Variants in GRID2 observed in about 807,000 individuals in gnomAD.
GRID2 encodes the protein glutamate receptor ionotropic, delta-2.
GRID2 carries 33 observed loss-of-function variants against 114.8 expected under a neutral mutation model. The ratio of observed to expected loss-of-function variants is 0.29; its 90% confidence interval spans 0.22 to 0.38. The LOEUF (loss-of-function observed/expected upper bound fraction) is 0.38. Among genes scored for constraint, GRID2 ranks in the 10% least tolerant of loss-of-function variants. The pLI is 1.00. For synonymous variants in GRID2, 505 were observed against 449.9 expected, an observed-to-expected ratio of 1.12 and a Z score of -1.55; for missense variants, 1,184 against 1,257.7, an observed-to-expected ratio of 0.94 and a Z score of 0.89.
intron 8 of GRID2, among the ~76,000 whole-genome samples, chr4:93,298,384 C>T (rs1025951619): frequency 2.0e-5 from 3 of 152,204 alleles, no homozygotes; most frequent in Non-Finnish European, 4.4e-5. Context: ...AGACCGCCAA[C>T]TCCTGGCTGT....
intron 9 of GRID2, among the ~76,000 whole-genome samples, chr4:93,413,811 G>A (rs1478776588): frequency 6.6e-6 from 1 of 152,092 alleles, no homozygotes. Flanking sequence ...AAAAAAGAAA[G>A]TATACATTTT....
At chr4:93,430,321 C>T (rs1192632538) in intron 10 of GRID2, among the ~76,000 whole-genome samples, 2 of 152,150 alleles carry the variant, frequency 1.3e-5, no homozygotes, top group African/African-American at 4.8e-5. Context: ...GCTGTGATTA[C>T]ACGCACCCAC....
intron 2 of GRID2, among the ~76,000 whole-genome samples, chr4:92,645,534 A>C (rs895134128): frequency 6.6e-6 from 1 of 151,770 alleles, no homozygotes; most frequent in African/African-American, 2.4e-5. Context: ...TAAACATTAA[A>C]TATACAGTCC....
chr4:93,767,226 G>C (rs913002296), intron 14 of GRID2, among the ~76,000 whole-genome samples: 5 of 152,084 alleles, frequency 3.3e-5, no homozygotes, highest in African/African-American at 1.2e-4. Context: ...TCTTTAATAG[G>C]CTGACATCTT....
intron 1 of GRID2, among the ~76,000 whole-genome samples, chr4:92,495,492 A>C (rs1255416469): frequency 6.6e-6 from 1 of 151,916 alleles, no homozygotes; most frequent in Non-Finnish European, 1.5e-5. Context: ...CCATAGAGAC[A>C]ATTAGCAGGA....
At chr4:93,054,043 A>G (rs1277653291) in intron 2 of GRID2, among the ~76,000 whole-genome samples, 2 of 151,980 alleles carry the variant, frequency 1.3e-5, no homozygotes, top group African/African-American at 4.8e-5. Context: ...CCCCCAAGGC[A>G]GTGTTAGCCA....
intron 8 of GRID2, among the ~76,000 whole-genome samples, chr4:93,387,111 T>A (rs553534714): frequency 1.3e-5 from 2 of 152,296 alleles, no homozygotes; most frequent in East Asian, 3.9e-4. Flanking sequence ...TGGAGCTGGA[T>A]TCCTTGAGAG....
intron 2 of GRID2, among the ~76,000 whole-genome samples, chr4:92,735,278 T>C (rs1229456741): frequency 6.6e-6 from 1 of 152,148 alleles, no homozygotes; most frequent in Non-Finnish European, 1.5e-5. Context: ...TGCTACCGAA[T>C]CCTACATACA....
In GRID2 at chr4:93,567,341, A is replaced by T. The variant is rs868492291; in HGVS notation, c.2193+51930A>T. Among the ~76,000 whole-genome samples the T allele has an allele frequency of 9.8e-5, 15 of 152,342 alleles. 1 individual carries two copies. The Middle Eastern group carries it at 0.014, about 138-fold the overall frequency. On this transcript the variant is annotated intron_variant, in intron 13 of 15. Coordinates refer to ENST00000282020, the MANE Select transcript of GRID2 (RefSeq NM_001510.4). ...TACCTTTTAAACAATTTAAGTTGTA[A>T]TTTGAGCTTGTGCTATATTACCAAT...
At chr4:92,511,419 A>G (rs1480230602) in intron 1 of GRID2, among the ~76,000 whole-genome samples, 1 of 151,910 alleles carries the variant, frequency 6.6e-6, no homozygotes, top group Non-Finnish European at 1.5e-5. Context: ...ACATTTTAAC[A>G]TGAGATTTAG....
intron 7 of GRID2, among the ~76,000 whole-genome samples, chr4:93,229,901 C>T (rs555496118): frequency 2.6e-5 from 4 of 152,000 alleles, no homozygotes; most frequent in African/African-American, 7.2e-5. Context: ...TAAAAATTAG[C>T]AGTTAATGCT....
intron 10 of GRID2, among the ~76,000 whole-genome samples, chr4:93,432,017 T>C (rs1000595480): frequency 5.3e-5 from 8 of 152,196 alleles, no homozygotes; most frequent in Non-Finnish European, 1.2e-4. Flanking sequence ...TCAAATTTAT[T>C]GATAAAAATT....
intron 2 of GRID2, among the ~76,000 whole-genome samples, chr4:92,990,396 G>A (rs1754816938): frequency 6.6e-6 from 1 of 151,442 alleles, no homozygotes; most frequent in African/African-American, 2.4e-5. Context: ...GGGTTCAAGT[G>A]ATTCTCCTGG....
chr4:92,943,504 C>G (rs886698380), intron 2 of GRID2, among the ~76,000 whole-genome samples: 7 of 151,900 alleles, frequency 4.6e-5, no homozygotes, highest in Non-Finnish European at 8.8e-5. Flanking sequence ...AGGTTTTTAA[C>G]TTCTTTGCCA....
At chr4:92,497,360 T>G (rs1220947018) in intron 1 of GRID2, among the ~76,000 whole-genome samples, 1 of 151,852 alleles carries the variant, frequency 6.6e-6, no homozygotes, top group Non-Finnish European at 1.5e-5. Context: ...TGTATCCTAT[T>G]TAGTTTATCC....
At chr4:93,303,671 G>T (rs1196674900) in intron 8 of GRID2, among the ~76,000 whole-genome samples, 1 of 152,126 alleles carries the variant, frequency 6.6e-6, no homozygotes, top group Non-Finnish European at 1.5e-5. Context: ...GTATCTGTCT[G>T]CCTCTGTGTG....
chr4:93,771,974 C>CCCAAAGT (rs760554545), intron 15 of GRID2, 102 bp from the exon 16 acceptor site: 67 of 697,454 alleles, frequency 9.6e-5, no homozygotes, highest in Non-Finnish European at 1.6e-4. Context: ...ATGAATAAAC[C>CCCAAAGT]CCAAAGTTCA....
At chr4:92,733,949 A>C (rs1425421498) in intron 2 of GRID2, among the ~76,000 whole-genome samples, 3 of 151,830 alleles carry the variant, frequency 2.0e-5, no homozygotes, top group Non-Finnish European at 4.4e-5. Context: ...AATTTCTCCA[A>C]CTCTTCCTCA....
chr4:93,524,811 A>ATATG (rs1560713515), intron 13 of GRID2, among the ~76,000 whole-genome samples: 1 of 48,506 alleles, frequency 2.1e-5, no homozygotes, highest in Non-Finnish European at 3.3e-5. Context: ...ATATATATAT[A>ATATG]TATGTATGTA....
Sources: allele counts gnomAD v4.1 joint callset (sites outside exome capture counted in the v4.1 genomes callset), GRCh38; gene constraint gnomAD v4.1.1; transcripts MANE v1.5; gene names NCBI Gene and HGNC (gene_info 2026-07-23, HGNC 2026-07-21).